Variants in PRKCE observed in about 807,000 individuals in gnomAD.
The protein encoded by PRKCE is protein kinase C epsilon.
PRKCE carries 16 observed loss-of-function variants against 85.4 expected under a neutral mutation model. The observed-to-expected ratio is 0.19, with a 90% CI of 0.13 to 0.28. The LOEUF is 0.28. PRKCE is among the 10% of genes least tolerant of loss of function. The pLI is 1.00. For synonymous variants in PRKCE, 388 were observed against 371.5 expected, an observed-to-expected ratio of 1.04 and a Z score of -0.51; for missense variants, 573 against 975.2, an observed-to-expected ratio of 0.59 and a Z score of 5.49.
chr2:45,977,885 T>C (rs1323929709), intron 3 of PRKCE, among the ~76,000 whole-genome samples: 1 of 152,168 alleles, frequency 6.6e-6, no homozygotes, highest in Non-Finnish European at 1.5e-5. Context: ...ATGTAGAGGT[T>C]GCCTTCATGA....
intron 11 of PRKCE, among the ~76,000 whole-genome samples, chr2:46,133,749 G>T (rs1674691581): frequency 6.6e-6 from 1 of 152,168 alleles, no homozygotes; most frequent in Admixed American, 6.5e-5. Context: ...GGACCAATCT[G>T]TGAACACGAA....
At chr2:45,921,280 C>A (rs1698227886) in intron 2 of PRKCE, among the ~76,000 whole-genome samples, 1 of 152,204 alleles carries the variant, frequency 6.6e-6, no homozygotes, top group Non-Finnish European at 1.5e-5. Context: ...GGAGTTGGAA[C>A]TGCCAGAATT....
At chr2:45,751,216 G>A (rs1158031119) in intron 1 of PRKCE, among the ~76,000 whole-genome samples, 3 of 152,186 alleles carry the variant, frequency 2.0e-5, no homozygotes. Context: ...CCATAATGGT[G>A]TGTACATCAT....
Position 46,145,053 on chromosome 2 carries a change from G to C in PRKCE, c.1593-40G>C. ...CAACTCAGGAAGACTATATTGGGGT[G>C]AGTGACGTATTGACATTATGGTCCT... On this transcript the variant is annotated intron_variant, in intron 11 of 14. Transcript: ENST00000306156. This position sits in a 1 kb window ranked among gnomAD's most constrained non-coding sequence, Gnocchi z 4.6. The C allele has an allele frequency of 6.3e-7, 1 of 1,598,976 alleles. No homozygotes were observed. Among genetic ancestry groups the C allele is most frequent in the Non-Finnish European group, 8.5e-7 (1 of 1,179,380 alleles).
intron 14 of PRKCE, among the ~76,000 whole-genome samples, chr2:46,183,274 A>G (rs1414420184): frequency 6.6e-6 from 1 of 152,250 alleles, no homozygotes. Context: ...TAACTTGCCA[A>G]TGTGCATAGC....
At chr2:46,038,082 A>G (rs763370827) in intron 10 of PRKCE, among the ~76,000 whole-genome samples, 1 of 152,176 alleles carries the variant, frequency 6.6e-6, no homozygotes, top group African/African-American at 2.4e-5. Context: ...TCTGCTGAGG[A>G]TGAAGAAGGA....
At chr2:46,039,789 A>G (rs921210396) in intron 10 of PRKCE, among the ~76,000 whole-genome samples, 3 of 152,198 alleles carry the variant, frequency 2.0e-5, no homozygotes, top group African/African-American at 7.2e-5. Context: ...AATTAGACAC[A>G]GGCTCAGCCT....
chr2:45,843,474 T>C (rs961454270), intron 2 of PRKCE, among the ~76,000 whole-genome samples: 1 of 152,224 alleles, frequency 6.6e-6, no homozygotes, highest in African/African-American at 2.4e-5. Flanking sequence ...CTTTAGAGCT[T>C]TGATAGAAGT....
At chr2:46,085,573 C>T (rs1182108163) in intron 10 of PRKCE, among the ~76,000 whole-genome samples, 1 of 147,218 alleles carries the variant, frequency 6.8e-6, no homozygotes, top group African/African-American at 2.5e-5. Context: ...TGTTTCACTC[C>T]AATCTCTGCC....
At chr2:45,699,025 T>C (rs942819667) in intron 1 of PRKCE, among the ~76,000 whole-genome samples, 7 of 152,182 alleles carry the variant, frequency 4.6e-5, no homozygotes, top group Admixed American at 3.9e-4. Flanking sequence ...CTAGTTTTTA[T>C]TTTTTCTAGC....
intron 2 of PRKCE, among the ~76,000 whole-genome samples, chr2:45,949,054 T>A (rs1700432523): frequency 6.6e-6 from 1 of 152,252 alleles, no homozygotes; most frequent in South Asian, 2.1e-4. Flanking sequence ...CAAACAGTGT[T>A]CTAGTGAACA....
At chr2:45,937,020 GT>G (rs558026838) in intron 2 of PRKCE, among the ~76,000 whole-genome samples, 79 of 152,302 alleles carry the variant, frequency 5.2e-4, no homozygotes, top group African/African-American at 1.8e-3. Context: ...TGTATTTTAA[GT>G]TCCATAGATG....
At chr2:45,784,353 G>A (rs1444303731) in intron 1 of PRKCE, among the ~76,000 whole-genome samples, 2 of 152,218 alleles carry the variant, frequency 1.3e-5, no homozygotes, top group Non-Finnish European at 2.9e-5. Context: ...AACCGAACCT[G>A]CCAAAAAAGG....
intron 11 of PRKCE, among the ~76,000 whole-genome samples, chr2:46,089,763 T>G (rs1669984232): frequency 6.6e-6 from 1 of 152,020 alleles, no homozygotes; most frequent in Non-Finnish European, 1.5e-5. Context: ...TTTATGCTTC[T>G]CACAAAGACA....
At chr2:45,980,097 C>T (rs1328550521) in intron 4 of PRKCE, among the ~76,000 whole-genome samples, 199 bp from the exon 5 acceptor site, 1 of 152,206 alleles carries the variant, frequency 6.6e-6, no homozygotes, top group Non-Finnish European at 1.5e-5. Flanking sequence ...CTCTCTGGAG[C>T]ATTTAGGAAA....
At chr2:45,865,438 T>C (rs1693514327) in intron 2 of PRKCE, among the ~76,000 whole-genome samples, 1 of 152,178 alleles carries the variant, frequency 6.6e-6, no homozygotes, top group Non-Finnish European at 1.5e-5. Flanking sequence ...CTCTTAAGGT[T>C]GTGTGGCTGC....
chr2:45,748,209 T>G (rs1465119570), intron 1 of PRKCE, among the ~76,000 whole-genome samples: 27 of 152,234 alleles, frequency 1.8e-4, no homozygotes, highest in Admixed American at 1.8e-3. Context: ...ATGCCAGGCA[T>G]CATCTCATGC....
At chr2:45,976,622 C>A in intron 3 of PRKCE, 34 bp downstream of exon 3, 1 of 1,592,058 alleles carries the variant, frequency 6.3e-7, no homozygotes, top group Non-Finnish European at 8.5e-7. Context: ...CTAATTACAA[C>A]ATCTCTGTTA....
chr2:46,144,520 C>T lies in PRKCE; in HGVS notation c.1593-573C>T, dbSNP rs150898858. 4.6e-5 allele frequency among the ~76,000 whole-genome samples: 7 copies of T among 152,254 alleles called. No homozygotes were observed. The East Asian group carries it at 9.7e-4, about 21-fold the overall frequency. Reference sequence around the variant, plus strand: ...CCCATCTTCTCTCCTCACAGTGTATCGAACCCTTATCTTCTAACCATGTTT... The same window carrying T: ...CCCATCTTCTCTCCTCACAGTGTATTGAACCCTTATCTTCTAACCATGTTT... On this transcript the variant is annotated intron_variant, in intron 11 of 14. Coordinates refer to ENST00000306156, the MANE Select transcript of PRKCE (RefSeq NM_005400.3).
Sources: gnomAD v4.1 joint callset for allele counts (sites outside exome capture counted in the v4.1 genomes callset) on GRCh38, gnomAD v4.1.1 for gene constraint, Gnocchi (gnomAD v3.1) non-coding constraint, MANE v1.5 for transcripts, NCBI Gene and HGNC (gene_info 2026-07-23, HGNC 2026-07-21) for gene names.